ARHGAP32: variants seen among roughly 807,000 people sequenced by gnomAD.
ARHGAP32 encodes rho GTPase-activating protein 32.
A neutral mutation model predicts 186.5 loss-of-function variants in ARHGAP32; 51 were observed. That is an observed-to-expected ratio of 0.27 (90% CI 0.22 to 0.35). The LOEUF (loss-of-function observed/expected upper bound fraction) is 0.35, where lower values mean the gene tolerates loss of function less well. Among genes scored for constraint, ARHGAP32 ranks in the 10% least tolerant of loss-of-function variants. The pLI is 1.00. For missense variants in ARHGAP32, 2,186 were observed against 2,623.5 expected (o/e 0.83, Z 3.64); for synonymous variants, 950 against 964.3 (o/e 0.99, Z 0.27).
At chr11:129,119,271 C>T (rs775198650) in intron 5 of ARHGAP32, among the ~76,000 whole-genome samples, 7 of 152,010 alleles carry the variant, frequency 4.6e-5, no homozygotes, top group Non-Finnish European at 1.0e-4. Context: ...ACCCATTCTA[C>T]ACCACACCAG....
intron 11 of ARHGAP32, among the ~76,000 whole-genome samples, chr11:129,025,636 G>C (rs570896114): frequency 6.6e-6 from 1 of 151,492 alleles, no homozygotes; most frequent in East Asian, 1.9e-4. Flanking sequence ...GGGAGGGCAA[G>C]GGAAAAACAA....
At position 129,090,142 on chromosome 11, in the gene ARHGAP32, C is replaced by A. The variant is rs531490098; in HGVS notation, c.531+3479G>T. ...GTTAAATAAAAATCCTGGCAATCTG[C>A]CTATATATTTTGTTCATGCACATAT... On this transcript the variant is annotated intron_variant, in intron 6 of 22. Transcript: ENST00000682385. Among the ~76,000 whole-genome samples, 8 of 152,272 alleles carry A rather than the reference C, an allele frequency of 5.3e-5. No individual in the cohort carries two copies. The South Asian group carries it at 1.7e-3, about 32-fold the overall frequency.
At chr11:128,982,483 G>GTGTGTGTA (rs1945732677) in intron 15 of ARHGAP32, among the ~76,000 whole-genome samples, 1 of 151,212 alleles carries the variant, frequency 6.6e-6, no homozygotes, top group African/African-American at 2.4e-5. Flanking sequence ...CCGTGTGTGT[G>GTGTGTGTA]TGTGTGTGTG....
Position 128,974,292 on chromosome 11 carries a change from G to C in ARHGAP32, c.2905C>G (p.Gln969Glu). 6.2e-7 allele frequency: 1 copy of C among 1,614,160 alleles called. No homozygotes were observed. The highest frequency in any genetic ancestry group is 1.1e-5 in the South Asian group (1 of 91,078). Reference protein sequence around the residue: ...ERDATNRSPTQIVKMKTNETV... With the variant: ...ERDATNRSPTEIVKMKTNETV... ...TCATTTGTTTTCATCTTTACTATCT[G>C]GGTGGGGGATCTATTTGTGGCATCC... The change falls in exon 21 of 23, where the codon CAG becomes GAG. Residue 969 changes from glutamine (Q) to glutamate (E), a missense_variant. By Grantham distance (29) the Gln-to-Glu change is conservative. This residue lies in a region of ARHGAP32 where 1,502 missense variants were observed against 1,570.0 expected (regional missense o/e 0.96). Coordinates refer to ENST00000682385, the MANE Select transcript of ARHGAP32 (RefSeq NM_001378024.1).
chr11:129,231,797 G>A (rs550678045), intron 1 of ARHGAP32, among the ~76,000 whole-genome samples: 1 of 152,004 alleles, frequency 6.6e-6, no homozygotes, highest in African/African-American at 2.4e-5. Context: ...GGCAGAAGCA[G>A]GCGAATCACT....
At chr11:129,188,065 C>T (rs1944198387) in intron 1 of ARHGAP32, among the ~76,000 whole-genome samples, 3 of 152,144 alleles carry the variant, frequency 2.0e-5, no homozygotes, top group Admixed American at 6.6e-5. Context: ...AAGCAATTCT[C>T]CTGCCTCAGC....
chr11:129,065,115 T>C (rs1003120190), intron 7 of ARHGAP32, among the ~76,000 whole-genome samples, 182 bp from the exon 8 acceptor site: 7 of 152,162 alleles, frequency 4.6e-5, no homozygotes, highest in African/African-American at 1.4e-4. Flanking sequence ...TCAGCCCCTG[T>C]CTCATGCAGA....
chr11:129,165,124 G>T (rs1262548023), intron 1 of ARHGAP32, among the ~76,000 whole-genome samples: 3 of 152,238 alleles, frequency 2.0e-5, no homozygotes, highest in African/African-American at 7.2e-5. Context: ...GATTACCAAA[G>T]TAGGGAGGAA....
intron 1 of ARHGAP32, among the ~76,000 whole-genome samples, chr11:129,248,212 C>CAAAAAAA (rs61454534): frequency 1.6e-5 from 2 of 122,006 alleles, no homozygotes; most frequent in African/African-American, 3.0e-5. Flanking sequence ...TTGGCTGTCT[C>CAAAAAAA]AAAAAAAAAA....
At position 129,038,888 on chromosome 11, in the gene ARHGAP32, G is replaced by GA. The variant is rs56810685; in HGVS notation, c.1045+2039dup. On this transcript the variant is annotated intron_variant, in intron 11 of 22. Transcript: ENST00000682385. ...TGGTGACAAAGAAAGACCCTGTCTC[G>GA]AAAAAAAAAAAAAAAAAAAGAAAAA... Among the ~76,000 whole-genome samples the GA allele has an allele frequency of 7.3e-3, 675 of 92,126 alleles. 4 individuals are homozygous for GA. Among genetic ancestry groups the GA allele is most frequent in the African/African-American group, 0.013 (302 of 23,242 alleles). 60.4% of individuals were successfully genotyped at this position (92,126 alleles called of 152,430 possible).
At chr11:129,141,305 G>A (rs1943047200) in intron 2 of ARHGAP32, among the ~76,000 whole-genome samples, 1 of 150,996 alleles carries the variant, frequency 6.6e-6, no homozygotes, top group African/African-American at 2.5e-5. Context: ...AAAAGGATGA[G>A]TTCATGTCCT....
chr11:129,120,849 T>A (rs1942510602), intron 5 of ARHGAP32, among the ~76,000 whole-genome samples: 1 of 152,106 alleles, frequency 6.6e-6, no homozygotes, highest in African/African-American at 2.4e-5. Flanking sequence ...TGGTACATAT[T>A]AAAAAGCAAC....
At chr11:129,049,230 T>A (rs1029452361) in intron 10 of ARHGAP32, among the ~76,000 whole-genome samples, 2 of 151,930 alleles carry the variant, frequency 1.3e-5, no homozygotes, top group Non-Finnish European at 2.9e-5. Context: ...GGAAAGAGAA[T>A]AAAACCTACA....
At chr11:129,245,303 C>T (rs1256929687) in intron 1 of ARHGAP32, among the ~76,000 whole-genome samples, 1 of 147,928 alleles carries the variant, frequency 6.8e-6, no homozygotes, top group Non-Finnish European at 1.5e-5. Context: ...TTTGTAGGGA[C>T]ATGGATGAAA....
intron 6 of ARHGAP32, among the ~76,000 whole-genome samples, chr11:129,073,044 C>T (rs536161882): frequency 4.6e-5 from 7 of 152,238 alleles, no homozygotes; most frequent in East Asian, 1.9e-4. Flanking sequence ...CTGAGATTCA[C>T]GTGTGAAGTT....
intron 6 of ARHGAP32, among the ~76,000 whole-genome samples, chr11:129,073,403 A>G (rs542503956): frequency 6.6e-6 from 1 of 152,298 alleles, no homozygotes; most frequent in South Asian, 2.1e-4. Context: ...AAATTATAAC[A>G]AAGAATAAAA....
chr11:129,119,957 A>G (rs544378444), intron 5 of ARHGAP32, among the ~76,000 whole-genome samples: 19 of 152,256 alleles, frequency 1.2e-4, no homozygotes, highest in African/African-American at 4.1e-4. Flanking sequence ...ATCCTTGTAG[A>G]GAAGTTTCAG....
chr11:129,269,029 G>C (rs1471197722), intron 1 of ARHGAP32, among the ~76,000 whole-genome samples: 1 of 152,138 alleles, frequency 6.6e-6, no homozygotes, highest in Admixed American at 6.5e-5. Flanking sequence ...CCAGAGCTTT[G>C]GAAGGCCAAT....
chr11:129,144,777 A>G (rs142926382), intron 2 of ARHGAP32, among the ~76,000 whole-genome samples: 2 of 152,316 alleles, frequency 1.3e-5, no homozygotes, highest in Non-Finnish European at 2.9e-5. Context: ...GATTTCTGAA[A>G]GTGATTATAA....
Sources: gnomAD v4.1 joint callset for allele counts (sites outside exome capture counted in the v4.1 genomes callset) on GRCh38, gnomAD v4.1.1 for gene constraint, gnomAD v4.1.1 regional missense constraint, MANE v1.5 for transcripts, NCBI Gene and HGNC (gene_info 2026-07-23, HGNC 2026-07-21) for gene names.